CCSER1: variants seen among roughly 807,000 people sequenced by gnomAD.
The protein encoded by CCSER1 is coiled-coil serine rich protein 1.
In CCSER1, 41 loss-of-function variants were observed where a neutral mutation model predicts 82.0. The observed-to-expected ratio is 0.50, with a 90% confidence interval of 0.39 to 0.65. The LOEUF (loss-of-function observed/expected upper bound fraction) is 0.65, where lower values mean the gene tolerates loss of function less well. CCSER1 is among the 30% of genes least tolerant of loss of function. The pLI is 0.00. For synonymous variants in CCSER1, 414 were observed against 383.9 expected (o/e 1.08, Z -0.92); for missense variants, 1,119 against 1,064.2 (o/e 1.05, Z -0.72).
chr4:90,980,309 G>A (rs1284670934), intron 9 of CCSER1, among the ~76,000 whole-genome samples: 9 of 151,936 alleles, frequency 5.9e-5, no homozygotes, highest in Non-Finnish European at 1.0e-4. Flanking sequence ...AGGCAAGAGA[G>A]TGTGCCCTGT....
chr4:91,409,601 C>T (rs1028186023), intron 10 of CCSER1, among the ~76,000 whole-genome samples: 20 of 152,288 alleles, frequency 1.3e-4, no homozygotes, highest in African/African-American at 4.6e-4. Context: ...ACTGTTTATA[C>T]ATTCAAAATC....
intron 10 of CCSER1, among the ~76,000 whole-genome samples, chr4:91,513,207 A>G (rs775865460): frequency 1.4e-4 from 22 of 152,082 alleles, no homozygotes; most frequent in Non-Finnish European, 2.6e-4. Flanking sequence ...AGAGCTTTTT[A>G]TGCATCTATG....
chr4:90,504,807 C>G (rs979517695), intron 5 of CCSER1, among the ~76,000 whole-genome samples: 1 of 152,136 alleles, frequency 6.6e-6, no homozygotes, highest in African/African-American at 2.4e-5. Flanking sequence ...AGGGTGGACT[C>G]TAACTCACAA....
rs1755031440 is a variant in CCSER1, at chr4:90,790,078, C to T, written c.2011-25684C>T. Among the ~76,000 whole-genome samples, 3 of 152,124 alleles carry T rather than the reference C, an allele frequency of 2.0e-5. No homozygotes were observed. In the South Asian group the frequency reaches 6.2e-4, roughly 32 times the overall value. Reference sequence around the variant, plus strand: ...TCTACTCCACCCATATCTGTAGAGTCCATCTTCTAAGTAGCTTTCAAATTC... The same window carrying T: ...TCTACTCCACCCATATCTGTAGAGTTCATCTTCTAAGTAGCTTTCAAATTC... On this transcript the variant is annotated intron_variant, in intron 7 of 10. Coordinates refer to ENST00000509176, the MANE Select transcript of CCSER1 (RefSeq NM_001145065.2).
chr4:90,612,303 A>G (rs1289030757), intron 5 of CCSER1, among the ~76,000 whole-genome samples: 1 of 152,182 alleles, frequency 6.6e-6, no homozygotes, highest in Non-Finnish European at 1.5e-5. Flanking sequence ...AGCATAATCT[A>G]AATTTCTTGT....
chr4:90,633,786 T>C (rs1196827673), intron 6 of CCSER1, among the ~76,000 whole-genome samples: 3 of 151,938 alleles, frequency 2.0e-5, no homozygotes, highest in Non-Finnish European at 4.4e-5. Context: ...GATTTTAATT[T>C]TGAGGTGAGC....
intron 1 of CCSER1, among the ~76,000 whole-genome samples, chr4:90,277,991 C>G (rs964775023): frequency 1.3e-5 from 2 of 151,882 alleles, no homozygotes; most frequent in Non-Finnish European, 2.9e-5. Flanking sequence ...AAGCAAAATT[C>G]AAAAACCCCC....
chr4:90,799,642 T>C (rs1033562254), intron 7 of CCSER1, among the ~76,000 whole-genome samples: 8 of 152,094 alleles, frequency 5.3e-5, no homozygotes, highest in African/African-American at 1.9e-4. Context: ...AGGCCCCATA[T>C]GATGGGCAAA....
intron 10 of CCSER1, among the ~76,000 whole-genome samples, chr4:91,337,525 T>C (rs1747406141): frequency 2.0e-5 from 3 of 152,130 alleles, no homozygotes; most frequent in Admixed American, 2.0e-4. Context: ...TCTTATAAAC[T>C]TTGGACTGCA....
At chr4:90,704,816 C>A (rs1254674424) in intron 6 of CCSER1, among the ~76,000 whole-genome samples, 4 of 152,156 alleles carry the variant, frequency 2.6e-5, no homozygotes, top group African/African-American at 9.7e-5. Flanking sequence ...GCATGGTTTT[C>A]AGCTCCATCA....
At chr4:90,333,554 G>T (rs929369180) in intron 3 of CCSER1, among the ~76,000 whole-genome samples, 3 of 152,154 alleles carry the variant, frequency 2.0e-5, no homozygotes, top group African/African-American at 7.2e-5. Context: ...GACATGCCTG[G>T]TCTTAATCAG....
chr4:91,444,925 C>T (rs1231727267), intron 10 of CCSER1, among the ~76,000 whole-genome samples: 5 of 152,196 alleles, frequency 3.3e-5, no homozygotes, highest in African/African-American at 1.2e-4. Flanking sequence ...CTAAACATTC[C>T]ATTCACTTCA....
intron 8 of CCSER1, among the ~76,000 whole-genome samples, chr4:90,848,658 C>T (rs1241121845): frequency 2.0e-5 from 3 of 152,098 alleles, no homozygotes; most frequent in Non-Finnish European, 4.4e-5. Context: ...TGTGCATTAC[C>T]TTTCCCCATG....
chr4:90,955,554 A>G (rs1275763973), intron 9 of CCSER1, among the ~76,000 whole-genome samples: 1 of 152,130 alleles, frequency 6.6e-6, no homozygotes, highest in Non-Finnish European at 1.5e-5. Flanking sequence ...ATTGGGGTAA[A>G]CTGACAAAGC....
At chr4:90,473,470 C>T (rs1764659001) in intron 5 of CCSER1, among the ~76,000 whole-genome samples, 1 of 152,108 alleles carries the variant, frequency 6.6e-6, no homozygotes, top group Non-Finnish European at 1.5e-5. Context: ...TCATTCTCTC[C>T]AAGTTTCAAT....
chr4:90,448,869 G>A (rs1411425634), intron 4 of CCSER1, among the ~76,000 whole-genome samples: 1 of 152,088 alleles, frequency 6.6e-6, no homozygotes, highest in Admixed American at 6.5e-5. Context: ...TTGTGTTACA[G>A]CTCTTTTGGT....
chr4:91,473,009 G>T (rs1757369538), intron 10 of CCSER1, among the ~76,000 whole-genome samples: 1 of 151,930 alleles, frequency 6.6e-6, no homozygotes, highest in Admixed American at 6.6e-5. Context: ...TGTTATCCCT[G>T]GTTAAGTTGT....
chr4:90,473,810 A>G (rs1445341384), intron 5 of CCSER1, among the ~76,000 whole-genome samples: 1 of 152,110 alleles, frequency 6.6e-6, no homozygotes, highest in African/African-American at 2.4e-5. Context: ...CTGATCTCCA[A>G]TTTTCCTTTA....
At chr4:90,473,258 A>C (rs913858297) in intron 5 of CCSER1, among the ~76,000 whole-genome samples, 1 of 152,208 alleles carries the variant, frequency 6.6e-6, no homozygotes, top group African/African-American at 2.4e-5. Context: ...TATTCTGTAC[A>C]TACCATAACT....
Sources: allele counts gnomAD v4.1 joint callset (sites outside exome capture counted in the v4.1 genomes callset), GRCh38; gene constraint gnomAD v4.1.1; transcripts MANE v1.5; gene names NCBI Gene and HGNC (gene_info 2026-07-23, HGNC 2026-07-21).